Variants in PMEPA1 observed in about 807,000 individuals in gnomAD.
PMEPA1 encodes prostate transmembrane protein, androgen induced 1.
PMEPA1 carries 11 observed loss-of-function variants against 23.0 expected under a neutral mutation model. The observed-to-expected ratio is 0.48, with a 90% confidence interval of 0.30 to 0.79. The LOEUF is 0.79. Ranked by LOEUF, PMEPA1 falls within the 30% of genes least tolerant of loss-of-function variation. The probability of loss-of-function intolerance (pLI) is 0.06; values close to 1 mark genes in which losing one functional copy is unlikely to be tolerated. For missense variants in PMEPA1, 377 were observed against 390.9 expected (o/e 0.96, Z 0.30); for synonymous variants, 204 against 166.4 (o/e 1.23, Z -1.74).
At chr20:57,694,530 A>C (rs1274140250) in intron 1 of PMEPA1, among the ~76,000 whole-genome samples, 1 of 152,124 alleles carries the variant, frequency 6.6e-6, no homozygotes, top group African/African-American at 2.4e-5. Context: ...GGGTTTATAG[A>C]TTTCTTGGAA....
At chr20:57,698,839 C>T (rs2071975463) in intron 1 of PMEPA1, among the ~76,000 whole-genome samples, 1 of 152,174 alleles carries the variant, frequency 6.6e-6, no homozygotes, top group South Asian at 2.1e-4. Flanking sequence ...ACAGACTTGG[C>T]AAGTCTCTGT....
In PMEPA1 at chr20:57,690,333, G is replaced by A. The variant is rs1556175; in HGVS notation, c.109+19141C>T. The A allele has an allele frequency of 0.23, 146,344 of 638,302 alleles. 19,224 individuals carry two copies. The highest frequency in any genetic ancestry group is 0.56 in the East Asian group (8,668 of 15,402). 39.5% of individuals were successfully genotyped at this position (638,302 alleles called of 1,614,324 possible). A position where few individuals can be genotyped will look rare whatever the true frequency, so the allele number is the denominator to read the frequency against. ...GCACCCACCCCCACCACTGCCACCC[G>A]CCCTGCATCAGCGCTACACATGCAA... On this transcript the variant is annotated intron_variant, in intron 1 of 3. Transcript: ENST00000341744.
At chr20:57,710,729 G>A, upstream of PMEPA1, 1 of 464,348 alleles carries the variant, frequency 2.2e-6, no homozygotes, top group South Asian at 4.0e-5. Flanking sequence ...GCGCGGCTGC[G>A]GAGTTCAAAA....
In PMEPA1 at chr20:57,655,922, G is replaced by A. The variant is rs1192338206; in HGVS notation, c.265-2836C>T. On this transcript the variant is annotated intron_variant, in intron 2 of 3. Transcript: ENST00000341744. This position sits in a 1 kb window ranked among gnomAD's most constrained non-coding sequence, Gnocchi z 4.2. ...AGCCAAGCGCAGCTATGGGCAAAAC[G>A]CACTCGAAAACACTTCATTCACACT... is the stretch of plus-strand genomic sequence containing the variant. 6.6e-6 allele frequency among the ~76,000 whole-genome samples: 1 copy of A among 152,030 alleles called. No individual in the cohort carries two copies. The highest frequency in any genetic ancestry group is 2.4e-5 in the African/African-American group (1 of 41,414).
At chr20:57,691,310 G>A (rs568469360) in intron 1 of PMEPA1, among the ~76,000 whole-genome samples, 20 of 152,314 alleles carry the variant, frequency 1.3e-4, no homozygotes, top group African/African-American at 4.3e-4. Context: ...AACATGGCAT[G>A]AGGGGAGCCT....
chr20:57,676,884 C>T (rs1258751846), intron 1 of PMEPA1, among the ~76,000 whole-genome samples: 2 of 152,216 alleles, frequency 1.3e-5, no homozygotes, highest in East Asian at 1.9e-4. Context: ...ACACACCCCC[C>T]GTCTATTCTC....
In PMEPA1 at chr20:57,655,319, G is replaced by T. The variant is rs2071312086; in HGVS notation, c.265-2233C>A. Among the ~76,000 whole-genome samples, 7 of 152,108 alleles carry T rather than the reference G, an allele frequency of 4.6e-5. No individual in the cohort carries two copies. Among genetic ancestry groups the T allele is most frequent in the Admixed American group, 4.6e-4 (7 of 15,272 alleles). On this transcript the variant is annotated intron_variant, in intron 2 of 3. Coordinates refer to ENST00000341744, the MANE Select transcript of PMEPA1 (RefSeq NM_020182.5). The surrounding 1 kb of genome is among the most constrained non-coding windows in gnomAD (Gnocchi z 4.2). ...TCCGTTAGCCCCCCAGGCGGGTCAG[G>T]CACCTCCTCCCATCTCCTCCAGTCC...
At chr20:57,685,072 G>A (rs955395861) in intron 1 of PMEPA1, among the ~76,000 whole-genome samples, 6 of 151,918 alleles carry the variant, frequency 3.9e-5, no homozygotes, top group African/African-American at 9.7e-5. Flanking sequence ...AGGGGGTGCC[G>A]TCTGCAACCC....
chr20:57,654,210 G>T (rs911638278), intron 2 of PMEPA1, among the ~76,000 whole-genome samples: 5 of 152,202 alleles, frequency 3.3e-5, no homozygotes, highest in Non-Finnish European at 5.9e-5. Context: ...GGAAAGGGAT[G>T]TCTGTTACTT....
chr20:57,710,147 C>T (rs2072154013), upstream of PMEPA1: 13 of 691,498 alleles, frequency 1.9e-5, no homozygotes, highest in Non-Finnish European at 2.5e-5. Context: ...GGAAACGGGG[C>T]GGGCTCTTAA....
chr20:57,667,308 G>C (rs203392), intron 1 of PMEPA1, among the ~76,000 whole-genome samples: 91,246 of 152,132 alleles, frequency 0.6, 28,930 homozygotes, highest in African/African-American at 0.83. Context: ...GATCCCTGTT[G>C]GGACGTTTCA....
chr20:57,707,656 T>C (rs560981268), intron 1 of PMEPA1, among the ~76,000 whole-genome samples: 1 of 152,062 alleles, frequency 6.6e-6, no homozygotes, highest in South Asian at 2.1e-4. Context: ...TTTTTTTTTT[T>C]TTTTTTAAGT....
In PMEPA1 at chr20:57,650,990, C is replaced by T. The variant is rs1009342742; in HGVS notation, c.*1063G>A. ...GTAGCCCGGGCACCAGCCGCTGCGG[C>T]TTGTGAGGGGCACCATGCTCCACCC... On this transcript the variant is annotated 3_prime_UTR_variant, in exon 4 of 4. Coordinates refer to ENST00000341744, the MANE Select transcript of PMEPA1 (RefSeq NM_020182.5). 1.3e-5 allele frequency: 2 copies of T among 152,210 alleles called. No individual in the cohort carries two copies. Among genetic ancestry groups the T allele is most frequent in the African/African-American group, 4.8e-5 (2 of 41,436 alleles). The allele number at this position is 152,210 out of a possible 1,614,324, so 9.4% of individuals were successfully genotyped here. A position where few individuals can be genotyped will look rare whatever the true frequency, so the allele number is the denominator to read the frequency against.
rs1391035879 is a variant in PMEPA1 at position 57,656,027 on chromosome 20, C to CT, written c.265-2942dup. ...AGCTCCTCCCAGACCCCTCCAGAGT[C>CT]TTAACACCACGAGGCCAGAACGTAG... On this transcript the variant is annotated intron_variant, in intron 2 of 3. Coordinates refer to ENST00000341744, the MANE Select transcript of PMEPA1 (RefSeq NM_020182.5). This position sits in a 1 kb window ranked among gnomAD's most constrained non-coding sequence, Gnocchi z 4.7. Among the ~76,000 whole-genome samples, 4 of 152,064 alleles carry CT rather than the reference C, an allele frequency of 2.6e-5. No homozygotes were observed. The highest frequency in any genetic ancestry group is 4.4e-5 in the Non-Finnish European group (3 of 67,998).
intron 1 of PMEPA1, among the ~76,000 whole-genome samples, chr20:57,664,324 G>A (rs529227334): frequency 2.6e-4 from 39 of 152,246 alleles, no homozygotes; most frequent in African/African-American, 9.1e-4. Flanking sequence ...CCTCTACGAC[G>A]CACTGATCAG....
Position 57,670,008 on chromosome 20 carries a change from C to T in PMEPA1, c.110-10311G>A, listed in dbSNP as rs1023920254. On this transcript the variant is annotated intron_variant, in intron 1 of 3. Transcript: ENST00000341744. ...GACAAGGGCTGCTGCGGGAGGGGCT[C>T]GGAATTAGGGTGGGAAGGCCGGACA... 4.0e-5 allele frequency among the ~76,000 whole-genome samples: 6 copies of T among 151,740 alleles called. No individual in the cohort carries two copies. In the East Asian group the frequency reaches 5.8e-4, roughly 15 times the overall value.
rs567030253 is a variant in PMEPA1 at position 57,651,693 on chromosome 20, AAT to A, written c.*358_*359del. ...GATCTTTAAACAAAGGTTTTGTGCA[AAT>A]ATGTCTTTAAAGTTAAGTGAAATTA... On this transcript the variant is annotated 3_prime_UTR_variant, in exon 4 of 4. Coordinates refer to ENST00000341744, the MANE Select transcript of PMEPA1 (RefSeq NM_020182.5). 17 of 155,198 alleles carry A rather than the reference AAT, an allele frequency of 1.1e-4. No individual in the cohort carries two copies. Among genetic ancestry groups the A allele is most frequent in the East Asian group, 7.5e-4 (4 of 5,330 alleles). 9.6% of individuals were successfully genotyped at this position (155,198 alleles called of 1,614,324 possible). A position where few individuals can be genotyped will look rare whatever the true frequency, so the allele number is the denominator to read the frequency against.
At chr20:57,707,882 T>A (rs2072110175) in intron 1 of PMEPA1, among the ~76,000 whole-genome samples, 1 of 152,192 alleles carries the variant, frequency 6.6e-6, no homozygotes, top group Non-Finnish European at 1.5e-5. Flanking sequence ...AACATTCTCG[T>A]GCATTTCATT....
chr20:57,692,144 T>G lies in PMEPA1; in HGVS notation c.109+17330A>C, dbSNP rs548891531. Among the ~76,000 whole-genome samples the G allele has an allele frequency of 1.3e-5, 2 of 152,380 alleles. 1 individual carries two copies. Among genetic ancestry groups the G allele is most frequent in the South Asian group, 4.1e-4 (2 of 4,834 alleles). On this transcript the variant is annotated intron_variant, in intron 1 of 3. Transcript: ENST00000341744. The stretch of plus-strand genomic sequence containing the variant: ...ATTTACAAAGCACCCAGGACTGAGC[T>G]GAGCCCTTGCCACAAACTGTCTCAT...
Sources: allele counts gnomAD v4.1 joint callset (sites outside exome capture counted in the v4.1 genomes callset), GRCh38; gene constraint gnomAD v4.1.1; non-coding constraint Gnocchi (gnomAD v3.1); transcripts MANE v1.5; gene names NCBI Gene and HGNC (gene_info 2026-07-23, HGNC 2026-07-21).